The following DGKB variants were observed in gnomAD, a reference collection of about 807,000 sequenced individuals.
The protein encoded by DGKB is diacylglycerol kinase beta.
DGKB carries 67 observed loss-of-function variants against 114.3 expected under a neutral mutation model. The ratio of observed to expected loss-of-function variants is 0.59; its 90% confidence interval spans 0.48 to 0.72. The LOEUF (loss-of-function observed/expected upper bound fraction) is 0.72. Among genes scored for constraint, DGKB ranks in the 30% least tolerant of loss-of-function variants. The pLI is 0.00. For synonymous variants in DGKB, 398 were observed against 323.1 expected, an observed-to-expected ratio of 1.23 and a Z score of -2.49; for missense variants, 907 against 975.2, an observed-to-expected ratio of 0.93 and a Z score of 0.93.
intron 21 of DGKB, among the ~76,000 whole-genome samples, chr7:14,460,930 C>G (rs1489310095): frequency 6.6e-6 from 1 of 150,380 alleles, no homozygotes; most frequent in African/African-American, 2.5e-5. Flanking sequence ...CAAATTAAAA[C>G]TCATGATTAA....
intron 23 of DGKB, among the ~76,000 whole-genome samples, chr7:14,228,754 C>G (rs1791233986): frequency 6.6e-6 from 1 of 152,036 alleles, no homozygotes; most frequent in African/African-American, 2.4e-5. Context: ...AATAAATACT[C>G]AACCTCTACC....
chr7:14,237,784 G>A (rs1191662372), intron 23 of DGKB, among the ~76,000 whole-genome samples: 1 of 151,864 alleles, frequency 6.6e-6, no homozygotes, highest in East Asian at 1.9e-4. Flanking sequence ...GCCTGTTTAA[G>A]ATAACATAAA....
intron 23 of DGKB, among the ~76,000 whole-genome samples, chr7:14,241,953 C>T (rs955713478): frequency 1.0e-4 from 8 of 77,296 alleles, no homozygotes; most frequent in African/African-American, 5.8e-4. Context: ...TACACACACA[C>T]ATATACACAC....
intron 23 of DGKB, among the ~76,000 whole-genome samples, chr7:14,322,543 G>T (rs1808018788): frequency 6.6e-6 from 1 of 152,038 alleles, no homozygotes; most frequent in African/African-American, 2.4e-5. Flanking sequence ...TAATATAGCA[G>T]ATGTTCAAAA....
intron 23 of DGKB, among the ~76,000 whole-genome samples, chr7:14,212,385 A>ATTTTACTCTCATGTTTTGTGATTT (rs769392322): frequency 2.4e-5 from 1 of 41,522 alleles, no homozygotes; most frequent in Admixed American, 2.8e-4. Context: ...GTGTTTTGTG[A>ATTTTACTCTCATGTTTTGTGATTT]TATTTACTCT....
intron 13 of DGKB, among the ~76,000 whole-genome samples, chr7:14,651,392 A>T (rs1208966422): frequency 6.7e-6 from 1 of 149,074 alleles, no homozygotes; most frequent in African/African-American, 2.4e-5. Context: ...AGCCAAAGAC[A>T]AAAACCACAT....
At chr7:14,602,027 C>T (rs1362954675) in intron 17 of DGKB, among the ~76,000 whole-genome samples, 1 of 152,036 alleles carries the variant, frequency 6.6e-6, no homozygotes, top group Admixed American at 6.6e-5. Context: ...CCCCAGTCCA[C>T]ATAGCACCTT....
At chr7:14,697,404 A>G (rs1824138516) in intron 8 of DGKB, among the ~76,000 whole-genome samples, 3 of 152,100 alleles carry the variant, frequency 2.0e-5, no homozygotes, top group Admixed American at 6.6e-5. Flanking sequence ...GAAAACTACC[A>G]TCTTCTTTTA....
chr7:14,447,077 TGTGGGTTTCACTTAGGGTAGTAACCAAG>T (rs1830821564), intron 21 of DGKB, among the ~76,000 whole-genome samples: 1 of 152,156 alleles, frequency 6.6e-6, no homozygotes, highest in South Asian at 2.1e-4. Flanking sequence ...TGGCAAACCC[TGTGGGTTTCACTTAGGGTAGTAACCAAG>T]GTGGAGTCAC....
chr7:14,200,749 A>G (rs1785738736), intron 23 of DGKB, among the ~76,000 whole-genome samples: 1 of 152,020 alleles, frequency 6.6e-6, no homozygotes, highest in South Asian at 2.1e-4. Flanking sequence ...GAGCACTAAC[A>G]TGTAAAAAAA....
At chr7:14,199,050 C>G (rs1444626484) in intron 23 of DGKB, among the ~76,000 whole-genome samples, 1 of 152,020 alleles carries the variant, frequency 6.6e-6, no homozygotes, top group Non-Finnish European at 1.5e-5. Context: ...GTTACCCTAT[C>G]TCTAAAAGAG....
intron 6 of DGKB, among the ~76,000 whole-genome samples, chr7:14,704,629 G>A (rs192251046): frequency 1.6e-4 from 24 of 152,036 alleles, no homozygotes; most frequent in South Asian, 2.1e-4. Context: ...TCTGAGAACC[G>A]GCAGACTGCC....
chr7:14,846,652 G>C (rs1370736134), intron 1 of DGKB, among the ~76,000 whole-genome samples: 1 of 152,204 alleles, frequency 6.6e-6, no homozygotes, highest in Non-Finnish European at 1.5e-5. Flanking sequence ...CACATAAAAT[G>C]AGTGTCAGGA....
intron 1 of DGKB, among the ~76,000 whole-genome samples, chr7:14,843,914 C>T (rs1219900154): frequency 6.6e-6 from 1 of 152,136 alleles, no homozygotes; most frequent in Non-Finnish European, 1.5e-5. Flanking sequence ...TTAGGTCATT[C>T]AATCTTCAGA....
At chr7:14,759,601 A>G (rs1216259078) in intron 2 of DGKB, among the ~76,000 whole-genome samples, 5 of 152,140 alleles carry the variant, frequency 3.3e-5, no homozygotes, top group African/African-American at 9.7e-5. Flanking sequence ...ACTCCTTTTT[A>G]TAGCTGAATA....
At chr7:14,211,490 A>T (rs1238124551) in intron 23 of DGKB, among the ~76,000 whole-genome samples, 2 of 19,992 alleles carry the variant, frequency 1.0e-4, no homozygotes, top group African/African-American at 3.2e-4. Context: ...GTTTTGTGAT[A>T]TTTACTCTCA....
At chr7:14,209,208 C>A in intron 23 of DGKB, 1 of 275,906 alleles carries the variant, frequency 3.6e-6, no homozygotes, top group South Asian at 3.2e-5. Flanking sequence ...AAAACCATCA[C>A]CATTCATCAA....
intron 2 of DGKB, among the ~76,000 whole-genome samples, chr7:14,830,921 G>A (rs1346882411): frequency 1.3e-5 from 2 of 151,898 alleles, no homozygotes; most frequent in Non-Finnish European, 2.9e-5. Context: ...ACATGCACAT[G>A]TGTGTGCATG....
chr7:14,943,665 G>A (rs921580718), intron 1 of DGKB, among the ~76,000 whole-genome samples: 1 of 130,182 alleles, frequency 7.7e-6, no homozygotes, highest in African/African-American at 2.7e-5. Context: ...TATATCTCCT[G>A]TGTTTCCACA....
Sources: allele counts gnomAD v4.1 joint callset (sites outside exome capture counted in the v4.1 genomes callset), GRCh38; gene constraint gnomAD v4.1.1; transcripts MANE v1.5; gene names NCBI Gene and HGNC (gene_info 2026-07-23, HGNC 2026-07-21).